The following GTPBP8 variants were observed in gnomAD, a reference collection of about 807,000 sequenced individuals.
GTPBP8 encodes the protein GTP binding protein 8.
A neutral mutation model predicts 27.3 loss-of-function variants in GTPBP8; 21 were observed. The observed-to-expected ratio is 0.77, with a 90% confidence interval of 0.55 to 1.11. The LOEUF (loss-of-function observed/expected upper bound fraction) is 1.11. Among genes scored for constraint, GTPBP8 ranks in the 50% least tolerant of loss-of-function variants. The probability of loss-of-function intolerance (pLI) is 0.00; values close to 1 mark genes in which losing one functional copy is unlikely to be tolerated. For missense variants in GTPBP8, 380 were observed against 350.8 expected, an observed-to-expected ratio of 1.08 and a Z score of -0.67; for synonymous variants, 147 against 135.3, an observed-to-expected ratio of 1.09 and a Z score of -0.60.
Position 113,001,605 on chromosome 3 carries a change from T to C in GTPBP8, c.*686T>C, listed in dbSNP as rs1478745246. 6.6e-6 allele frequency: 1 copy of C among 152,208 alleles called. No homozygotes were observed. Among genetic ancestry groups the C allele is most frequent in the African/African-American group, 2.4e-5 (1 of 41,460 alleles). 9.4% of individuals were successfully genotyped at this position (152,208 alleles called of 1,614,324 possible). ...AGCAGGTAACATGTGAGAAGACAGC[T>C]ACATATTTGTAAAGCCAAACCAACA... On this transcript the variant is annotated 3_prime_UTR_variant, in exon 6 of 6. Coordinates refer to ENST00000383678, the MANE Select transcript of GTPBP8 (RefSeq NM_014170.4).
intron 4 of GTPBP8, among the ~76,000 whole-genome samples, chr3:112,998,373 CAT>C (rs1933827279): frequency 6.6e-6 from 1 of 152,100 alleles, no homozygotes; most frequent in Non-Finnish European, 1.5e-5. Context: ...CTCAGGGAAA[CAT>C]GTTTTCTGAT....
chr3:112,991,451 C>CAT, intron 1 of GTPBP8, 116 bp downstream of exon 1: 1 of 918,892 alleles, frequency 1.1e-6, no homozygotes, highest in Non-Finnish European at 1.8e-6. Context: ...TATGTTGGCG[C>CAT]ATATATTATT....
rs757960424 is a variant in GTPBP8, at chr3:113,000,846, A to C, written c.786-4A>C. On this transcript the variant is annotated splice_polypyrimidine_tract_variant and splice_region_variant and intron_variant, in intron 5 of 5. Coordinates refer to ENST00000383678, the MANE Select transcript of GTPBP8 (RefSeq NM_014170.4). ...AGAAAATTATTTCTCTTTTCTTTTC[A>C]CAGTGCTGTGACCTTTTCTGGAATC... is the stretch of plus-strand genomic sequence containing the variant. 1 of 1,568,084 alleles carries C rather than the reference A, an allele frequency of 6.4e-7. No individual in the cohort carries two copies. The highest frequency in any genetic ancestry group is 1.1e-5 in the South Asian group (1 of 88,384).
At chr3:112,995,568 G>A (rs57986760) in intron 3 of GTPBP8, among the ~76,000 whole-genome samples, 1,802 of 149,534 alleles carry the variant, frequency 0.012, 36 homozygotes, top group African/African-American at 0.041. Context: ...AGACAGTCTC[G>A]TTCTGTGACC....
chr3:112,999,293 A>G (rs1474041266), intron 4 of GTPBP8, among the ~76,000 whole-genome samples, 153 bp from the exon 5 acceptor site: 1 of 152,164 alleles, frequency 6.6e-6, no homozygotes, highest in Non-Finnish European at 1.5e-5. Context: ...CTACCCCTTT[A>G]TGGGTCATTA....
chr3:112,997,579 C>T (rs1445187699), intron 4 of GTPBP8, among the ~76,000 whole-genome samples: 1 of 152,082 alleles, frequency 6.6e-6, no homozygotes, highest in African/African-American at 2.4e-5. Context: ...TGTGAGACTT[C>T]CAGAAAAAAT....
chr3:112,996,455 CTCTG>C (rs1339432665), intron 3 of GTPBP8, among the ~76,000 whole-genome samples: 6 of 151,762 alleles, frequency 4.0e-5, no homozygotes, highest in Middle Eastern at 3.4e-3. Flanking sequence ...CAGAATGAGG[CTCTG>C]TCTAAAAAAA....
chr3:112,991,701 C>G (rs1933684758), intron 1 of GTPBP8: 4 of 418,044 alleles, frequency 9.6e-6, no homozygotes, highest in South Asian at 3.8e-5. Flanking sequence ...AAAATTAACT[C>G]TCCTTTTTTC....
chr3:112,998,499 C>G (rs1008204198), intron 4 of GTPBP8, among the ~76,000 whole-genome samples: 8 of 152,274 alleles, frequency 5.3e-5, no homozygotes, highest in South Asian at 2.1e-4. Context: ...TGGAAGCTCT[C>G]CAAACCCAGT....
In GTPBP8 at chr3:112,999,496, A is replaced by G. The variant is rs1933849451; in HGVS notation, c.717A>G (p.Gln239=). 1.3e-6 allele frequency: 2 copies of G among 1,548,770 alleles called. No homozygotes were observed. Among genetic ancestry groups the G allele is most frequent in the East Asian group, 2.3e-5 (1 of 44,218 alleles). Residue 239 remains glutamine, a synonymous_variant, in exon 5 of 6, where the codon CAA becomes CAG. Coordinates refer to ENST00000383678, the MANE Select transcript of GTPBP8 (RefSeq NM_014170.4). ...DKSSKGHLLK[Q]VLQIQKFVNM... Reference sequence around the variant, plus strand: ...CTTCCAAGGGACATCTTTTAAAACAAGTGCTTCAGATCCAGAAATTTGTTA... The same window carrying G: ...CTTCCAAGGGACATCTTTTAAAACAGGTGCTTCAGATCCAGAAATTTGTTA...
chr3:112,991,287 C>A lies in GTPBP8; in HGVS notation c.288C>A (p.Val96=). ...TATERNRIDY[V]SSAVRIDHAP... ...CTGAACGGAACCGCATCGACTACGT[C>A]AGCTCCGCCGTCCGTATCGACCACG... The change falls in exon 1 of 6, where the codon GTC becomes GTA. Residue 96 remains valine, a synonymous_variant. Coordinates refer to ENST00000383678, the MANE Select transcript of GTPBP8 (RefSeq NM_014170.4). 1 of 1,613,330 alleles carries A rather than the reference C, an allele frequency of 6.2e-7. No individual in the cohort carries two copies. The highest frequency in any genetic ancestry group is 8.5e-7 in the Non-Finnish European group (1 of 1,180,032).
chr3:112,991,752 A>T lies in GTPBP8; in HGVS notation c.336+417A>T, dbSNP rs548177243. 23 of 364,494 alleles carry T rather than the reference A, an allele frequency of 6.3e-5. 1 individual carries two copies. The highest frequency in any genetic ancestry group is 4.8e-4 in the South Asian group (22 of 46,142). 22.6% of individuals were successfully genotyped at this position (364,494 alleles called of 1,614,324 possible). A position where few individuals can be genotyped will look rare whatever the true frequency, so the allele number is the denominator to read the frequency against. ...GTAGGGAAAACATGCCAGACAAATT[A>T]GACAGAATTTAGACAGTGAAGAATA... On this transcript the variant is annotated intron_variant, in intron 1 of 5. Transcript: ENST00000383678.
Position 113,001,080 on chromosome 3 carries a change from A to G in GTPBP8, c.*161A>G, listed in dbSNP as rs146475848. 3.6e-6 allele frequency: 2 copies of G among 557,792 alleles called. No individual in the cohort carries two copies. Among genetic ancestry groups the G allele is most frequent in the Non-Finnish European group, 6.3e-6 (2 of 316,536 alleles). The allele number at this position is 557,792 out of a possible 1,614,324, so 34.6% of individuals were successfully genotyped here. A position where few individuals can be genotyped will look rare whatever the true frequency, so the allele number is the denominator to read the frequency against. ...AAACCTGTGCCTTCTCGAAACAAGA[A>G]TTTGTGCCTGAGGTGAAAAAAGTTT... On this transcript the variant is annotated 3_prime_UTR_variant, in exon 6 of 6. Transcript: ENST00000383678.
rs777831449 is a variant in GTPBP8 at position 112,991,410 on chromosome 3, C to G, written c.336+75C>G. On this transcript the variant is annotated intron_variant, in intron 1 of 5. Transcript: ENST00000383678. ...ACCGCTTCCCTGGCCGTCCGGCTCG[C>G]GGGTGATTTTGCGGTTGTATTTTCT... is the stretch of plus-strand genomic sequence containing the variant. 4 of 1,381,688 alleles carry G rather than the reference C, an allele frequency of 2.9e-6. No individual in the cohort carries two copies. The African/African-American group carries it at 5.7e-5, about 20-fold the overall frequency. 85.6% of individuals were successfully genotyped at this position (1,381,688 alleles called of 1,614,324 possible). A position where few individuals can be genotyped will look rare whatever the true frequency, so the allele number is the denominator to read the frequency against.
chr3:112,991,752 A>G (rs548177243), intron 1 of GTPBP8: 6 of 364,376 alleles, frequency 1.6e-5, no homozygotes, highest in Admixed American at 3.8e-5. Flanking sequence ...CAGACAAATT[A>G]GACAGAATTT....
intron 4 of GTPBP8, among the ~76,000 whole-genome samples, chr3:112,999,235 A>C (rs1339524122): frequency 2.6e-5 from 4 of 152,206 alleles, no homozygotes; most frequent in African/African-American, 9.7e-5. Flanking sequence ...GCAGACATAC[A>C]GTGTATACTT....
At chr3:112,994,665 A>G (rs1933750805) in intron 2 of GTPBP8, among the ~76,000 whole-genome samples, 1 of 152,246 alleles carries the variant, frequency 6.6e-6, no homozygotes, top group East Asian at 1.9e-4. Flanking sequence ...TAGGTATAAG[A>G]AACGATCAGA....
At position 113,000,836 on chromosome 3, in the gene GTPBP8, T is replaced by A. The variant is rs1255289119; in HGVS notation, c.786-14T>A. ...GAGGAAAGGAAGAAAATTATTTCTC[T>A]TTTCTTTTCACAGTGCTGTGACCTT... On this transcript the variant is annotated splice_polypyrimidine_tract_variant and intron_variant, in intron 5 of 5. Transcript: ENST00000383678. 1 of 1,532,238 alleles carries A rather than the reference T, an allele frequency of 6.5e-7. No homozygotes were observed. Among genetic ancestry groups the A allele is most frequent in the Non-Finnish European group, 9.0e-7 (1 of 1,114,352 alleles). The allele number at this position is 1,532,238 out of a possible 1,614,324, so 94.9% of individuals were successfully genotyped here. A position where few individuals can be genotyped will look rare whatever the true frequency, so the allele number is the denominator to read the frequency against.
chr3:112,998,879 G>T (rs59096077), intron 4 of GTPBP8, among the ~76,000 whole-genome samples: 4,034 of 152,194 alleles, frequency 0.027, 178 homozygotes, highest in African/African-American at 0.09. Flanking sequence ...ATATCTGGTG[G>T]ATTAAGGTTT....
Sources: allele counts gnomAD v4.1 joint callset (sites outside exome capture counted in the v4.1 genomes callset), GRCh38; gene constraint gnomAD v4.1.1; transcripts MANE v1.5; gene names NCBI Gene and HGNC (gene_info 2026-07-23, HGNC 2026-07-21).